Variants in TMEM108 observed in about 807,000 individuals in gnomAD.
TMEM108 encodes the protein transmembrane protein 108.
TMEM108 carries 12 observed loss-of-function variants against 35.1 expected under a neutral mutation model. The observed-to-expected ratio is 0.34, with a 90% CI of 0.22 to 0.55. The LOEUF (loss-of-function observed/expected upper bound fraction) is 0.55, where lower values mean the gene tolerates loss of function less well. TMEM108 is among the 20% of genes least tolerant of loss of function. TMEM108 has a pLI of 0.89. For missense variants in TMEM108, 680 were observed against 753.3 expected (o/e 0.90, Z 1.14); for synonymous variants, 287 against 308.6 (o/e 0.93, Z 0.73).
chr3:133,258,996 T>A (rs923272523), intron 3 of TMEM108, among the ~76,000 whole-genome samples: 8 of 152,236 alleles, frequency 5.3e-5, no homozygotes, highest in African/African-American at 1.9e-4. Flanking sequence ...CATTTTTCCC[T>A]TGGTTTATCC....
chr3:133,378,375 A>T (rs2072904900), intron 3 of TMEM108: 1 of 985,354 alleles, frequency 1.0e-6, no homozygotes, highest in Non-Finnish European at 1.2e-6. Context: ...CCTGGGAATC[A>T]CAGCTGGGGC....
chr3:133,354,087 C>T (rs1220431222), intron 3 of TMEM108, among the ~76,000 whole-genome samples: 1 of 152,196 alleles, frequency 6.6e-6, no homozygotes, highest in African/African-American at 2.4e-5. Context: ...TGCTTCAGCT[C>T]ATTTTAGACT....
At chr3:133,312,760 A>G (rs1454586524) in intron 3 of TMEM108, among the ~76,000 whole-genome samples, 2 of 152,164 alleles carry the variant, frequency 1.3e-5, no homozygotes, top group Admixed American at 1.3e-4. Context: ...TCCCAGTGAG[A>G]TGAACCAGGT....
At position 133,380,138 on chromosome 3, in the gene TMEM108, C is replaced by T. The variant is rs780861416; in HGVS notation, c.427C>T (p.Leu143=). The change falls in exon 4 of 6, where the codon CTG becomes TTG. Residue 143 remains leucine, a synonymous_variant. Coordinates refer to ENST00000321871, the MANE Select transcript of TMEM108 (RefSeq NM_023943.4). The surrounding 1 kb of genome is among the most constrained non-coding windows in gnomAD (Gnocchi z 5.3). Reference sequence around the variant, plus strand: ...AGGGCAGGCTGCCCCCACCATCCTGCTGACAAAGCCACCGGGGGCCACCAG... The same window carrying T: ...AGGGCAGGCTGCCCCCACCATCCTGTTGACAAAGCCACCGGGGGCCACCAG... ...PRGQAAPTIL[L]TKPPGATSRP... 9 of 1,613,632 alleles carry T rather than the reference C, an allele frequency of 5.6e-6. No individual in the cohort carries two copies. In the Admixed American group the frequency reaches 1.2e-4, roughly 21 times the overall value.
intron 3 of TMEM108, among the ~76,000 whole-genome samples, chr3:133,287,986 T>C (rs1430598428): frequency 6.6e-6 from 1 of 152,202 alleles, no homozygotes; most frequent in Non-Finnish European, 1.5e-5. Flanking sequence ...GGGTTCAGCA[T>C]GATGGACCTG....
At chr3:133,300,993 C>CGT (rs1187615788) in intron 3 of TMEM108, among the ~76,000 whole-genome samples, 2,463 of 51,716 alleles carry the variant, frequency 0.048, 141 homozygotes, top group African/African-American at 0.13. Flanking sequence ...CACACACACA[C>CGT]ACACACACAC....
At chr3:133,282,418 G>A (rs1006103872) in intron 3 of TMEM108, among the ~76,000 whole-genome samples, 1 of 152,174 alleles carries the variant, frequency 6.6e-6, no homozygotes, top group African/African-American at 2.4e-5. Context: ...CAGAGATACA[G>A]GATCACAGTC....
chr3:133,157,993 TA>T (rs1188380631), intron 2 of TMEM108, among the ~76,000 whole-genome samples: 1 of 152,164 alleles, frequency 6.6e-6, no homozygotes, highest in African/African-American at 2.4e-5. Context: ...CTTTTTGGAG[TA>T]AAGCCTGCAT....
intron 3 of TMEM108, among the ~76,000 whole-genome samples, chr3:133,281,633 A>G (rs578007383): frequency 2.0e-4 from 30 of 152,344 alleles, no homozygotes; most frequent in African/African-American, 6.7e-4. Context: ...GGTGGTGATA[A>G]TGAGGCATGC....
chr3:133,298,445 G>C (rs1270889484), intron 3 of TMEM108, among the ~76,000 whole-genome samples: 3 of 152,006 alleles, frequency 2.0e-5, no homozygotes, highest in Non-Finnish European at 4.4e-5. Flanking sequence ...CTAGTCCCCT[G>C]GTGAATTTTC....
intron 1 of TMEM108, among the ~76,000 whole-genome samples, chr3:133,038,874 G>A (rs1943239054): frequency 6.6e-6 from 1 of 152,212 alleles, no homozygotes; most frequent in South Asian, 2.1e-4. Context: ...CAGCCCGAGG[G>A]ACTCGAACTA....
chr3:133,061,212 C>CTTTTTT (rs778632376), intron 2 of TMEM108, among the ~76,000 whole-genome samples: 3 of 129,998 alleles, frequency 2.3e-5, no homozygotes, highest in East Asian at 2.2e-4. Context: ...GGCATGTCTC[C>CTTTTTT]TTTTTTTTTT....
chr3:133,282,602 T>A (rs1946930224), intron 3 of TMEM108, among the ~76,000 whole-genome samples: 1 of 152,170 alleles, frequency 6.6e-6, no homozygotes, highest in Non-Finnish European at 1.5e-5. Context: ...CCAAGAAGAA[T>A]CCCCTGTACC....
intron 3 of TMEM108, among the ~76,000 whole-genome samples, chr3:133,264,556 T>C (rs1228267891): frequency 6.6e-6 from 1 of 152,184 alleles, no homozygotes; most frequent in Non-Finnish European, 1.5e-5. Flanking sequence ...GATAGCATCA[T>C]TCCTCTGCAA....
intron 3 of TMEM108, among the ~76,000 whole-genome samples, chr3:133,249,078 T>C (rs1053075142): frequency 6.6e-6 from 1 of 151,786 alleles, no homozygotes; most frequent in African/African-American, 2.4e-5. Flanking sequence ...AGGGTAGAGG[T>C]AGGAAAGGCC....
At chr3:133,298,890 G>A (rs966200549) in intron 3 of TMEM108, among the ~76,000 whole-genome samples, 2 of 152,038 alleles carry the variant, frequency 1.3e-5, no homozygotes, top group Non-Finnish European at 2.9e-5. Context: ...AAAGACCATC[G>A]GCTGCCTGTG....
chr3:133,323,450 T>C (rs893843945), intron 3 of TMEM108, among the ~76,000 whole-genome samples: 10 of 152,012 alleles, frequency 6.6e-5, no homozygotes, highest in Non-Finnish European at 1.3e-4. Flanking sequence ...ATAAAATACT[T>C]AGGAATATAC....
At chr3:133,289,546 G>C (rs1947033013) in intron 3 of TMEM108, among the ~76,000 whole-genome samples, 1 of 152,100 alleles carries the variant, frequency 6.6e-6, no homozygotes, top group African/African-American at 2.4e-5. Flanking sequence ...TGGCAAGCTG[G>C]GTTTTCAGCA....
intron 2 of TMEM108, among the ~76,000 whole-genome samples, chr3:133,051,091 C>G (rs1013643048): frequency 3.3e-5 from 5 of 151,578 alleles, no homozygotes; most frequent in Admixed American, 6.6e-5. Flanking sequence ...AACTGCCAAA[C>G]TGTCTTTCAA....
Sources: allele counts gnomAD v4.1 joint callset (sites outside exome capture counted in the v4.1 genomes callset), GRCh38; gene constraint gnomAD v4.1.1; non-coding constraint Gnocchi (gnomAD v3.1); transcripts MANE v1.5; gene names NCBI Gene and HGNC (gene_info 2026-07-23, HGNC 2026-07-21).